CD82: variants seen among roughly 807,000 people sequenced by gnomAD.
The protein encoded by CD82 is CD82 antigen.
CD82 carries 36 observed loss-of-function variants against 37.4 expected under a neutral mutation model. The ratio of observed to expected loss-of-function variants is 0.96; its 90% CI spans 0.74 to 1.27. The LOEUF is 1.27. CD82 is among the 50% of genes most tolerant of loss of function. The pLI is 0.00. For missense variants in CD82, 340 were observed against 347.0 expected (o/e 0.98, Z 0.16); for synonymous variants, 158 against 137.4 (o/e 1.15, Z -1.05).
intron 6 of CD82, among the ~76,000 whole-genome samples, chr11:44,611,868 C>G (rs1182202526): frequency 6.6e-6 from 1 of 150,544 alleles, no homozygotes; most frequent in Non-Finnish European, 1.5e-5. Context: ...TAGGTGGAAA[C>G]CACCCAGCTT....
chr11:44,585,377 A>G (rs1241069393), intron 1 of CD82: 4 of 452,924 alleles, frequency 8.8e-6, no homozygotes, highest in Non-Finnish European at 1.8e-5. Flanking sequence ...CCCATTATTA[A>G]GTTCATTTTA....
At chr11:44,616,096 C>T (rs182214742) in intron 7 of CD82, among the ~76,000 whole-genome samples, 4 of 152,202 alleles carry the variant, frequency 2.6e-5, no homozygotes, top group Admixed American at 6.5e-5. Context: ...CCTGTGAGGG[C>T]GCAGGACACA....
intron 6 of CD82, 115 bp from the exon 7 acceptor site, chr11:44,615,157 G>A (rs1433000265): frequency 2.9e-6 from 2 of 691,308 alleles, no homozygotes; most frequent in East Asian, 2.7e-5. Flanking sequence ...CTGGAGCCAT[G>A]AGCGTGTCCC....
intron 6 of CD82, chr11:44,606,800 CAG>C (rs753936796): frequency 1.3e-5 from 2 of 152,358 alleles, no homozygotes; most frequent in Non-Finnish European, 2.9e-5. Context: ...ACATAGATAA[CAG>C]TGACTCTAAC....
intron 2 of CD82, among the ~76,000 whole-genome samples, chr11:44,594,012 C>T (rs1853184027): frequency 6.6e-6 from 1 of 152,070 alleles, no homozygotes; most frequent in South Asian, 2.1e-4. Context: ...CACACACACA[C>T]ACACGAATAA....
chr11:44,618,407 G>A (rs754180967), intron 8 of CD82, 42 bp downstream of exon 8: 110 of 1,551,530 alleles, frequency 7.1e-5, no homozygotes, highest in Non-Finnish European at 8.1e-5. Context: ...CTCCGAGGGC[G>A]TTGGGGGCCA....
Position 44,612,535 on chromosome 11 carries a change from CTTTTT to C in CD82, c.337-2724_337-2720del, listed in dbSNP as rs200389044. The stretch of plus-strand genomic sequence containing the variant: ...TAAATTGCAGAACTCTGTATAAGGG[CTTTTT>C]TTTTTTTTTTTTAAATATCATGCTG... On this transcript the variant is annotated intron_variant, in intron 6 of 9. Coordinates refer to ENST00000227155, the MANE Select transcript of CD82 (RefSeq NM_002231.4). Among the ~76,000 whole-genome samples, 196 of 120,732 alleles carry C rather than the reference CTTTTT, an allele frequency of 1.6e-3. 1 individual carries two copies. The highest frequency in any genetic ancestry group is 5.8e-3 in the African/African-American group (188 of 32,456). 79.2% of individuals were successfully genotyped at this position (120,732 alleles called of 152,430 possible).
chr11:44,609,550 A>G (rs1456140473), intron 6 of CD82, among the ~76,000 whole-genome samples: 1 of 152,184 alleles, frequency 6.6e-6, no homozygotes, highest in Non-Finnish European at 1.5e-5. Context: ...GATGTTGGTC[A>G]GGGGAACTGT....
intron 3 of CD82, chr11:44,596,760 C>A: frequency 2.6e-6 from 1 of 381,846 alleles, no homozygotes; most frequent in Non-Finnish European, 5.3e-6. Context: ...CTTGTTTACT[C>A]CTCAGCAAAT....
At chr11:44,615,113 T>A (rs1012749714) in intron 6 of CD82, among the ~76,000 whole-genome samples, 159 bp from the exon 7 acceptor site, 5 of 152,254 alleles carry the variant, frequency 3.3e-5, no homozygotes, top group Admixed American at 2.0e-4. Flanking sequence ...TGGCACTGCC[T>A]GCATCGGGCA....
chr11:44,570,443 C>T (rs768481333), intron 1 of CD82, among the ~76,000 whole-genome samples: 2 of 152,248 alleles, frequency 1.3e-5, no homozygotes, highest in Admixed American at 1.3e-4. Context: ...TCTCTGATTC[C>T]TGGCATACAG....
intron 2 of CD82, among the ~76,000 whole-genome samples, chr11:44,593,496 G>A (rs1853175229): frequency 1.3e-5 from 2 of 152,218 alleles, no homozygotes; most frequent in Admixed American, 1.3e-4. Flanking sequence ...CTGAGTCAGG[G>A]TGAGAACAGT....
chr11:44,598,805 C>T (rs970105083), intron 3 of CD82, among the ~76,000 whole-genome samples: 5 of 152,164 alleles, frequency 3.3e-5, no homozygotes, highest in African/African-American at 4.8e-5. Flanking sequence ...GGCTCTATGG[C>T]AGCTGCTGGC....
intron 1 of CD82, among the ~76,000 whole-genome samples, chr11:44,584,239 C>T (rs1340188965): frequency 6.6e-6 from 1 of 152,178 alleles, no homozygotes; most frequent in Non-Finnish European, 1.5e-5. Flanking sequence ...CTTGCTCAAG[C>T]TCACACAGCT....
chr11:44,575,793 A>T (rs868558035), intron 1 of CD82, among the ~76,000 whole-genome samples: 41 of 151,934 alleles, frequency 2.7e-4, no homozygotes, highest in Middle Eastern at 3.2e-3. Flanking sequence ...CTTTGTATAT[A>T]TTGGGAACTT....
At position 44,618,182 on chromosome 11, in the gene CD82, C is replaced by A; in HGVS notation, c.459C>A (p.Val153=). The change falls in exon 8 of 10, where the codon GTC becomes GTA. Residue 153 remains valine (V), a synonymous_variant. Coordinates refer to ENST00000227155, the MANE Select transcript of CD82 (RefSeq NM_002231.4). ...CCCAGGTGAAGTGCTGCGGCTGGGTCAGCTTCTACAACTGGACAGACAACG... is the reference window on the plus strand; with the variant it reads ...CCCAGGTGAAGTGCTGCGGCTGGGTAAGCTTCTACAACTGGACAGACAACG... ...VQAQVKCCGW[V]SFYNWTDNAE... 1 of 1,613,992 alleles carries A rather than the reference C, an allele frequency of 6.2e-7. No homozygotes were observed. The highest frequency in any genetic ancestry group is 1.1e-5 in the South Asian group (1 of 91,072).
intron 2 of CD82, among the ~76,000 whole-genome samples, chr11:44,591,437 G>A (rs1054702188): frequency 1.3e-5 from 2 of 152,224 alleles, no homozygotes; most frequent in African/African-American, 4.8e-5. Flanking sequence ...GCCCAGCCAC[G>A]TCTGCCTTGG....
At chr11:44,577,643 C>T (rs1402628890) in intron 1 of CD82, among the ~76,000 whole-genome samples, 1 of 152,188 alleles carries the variant, frequency 6.6e-6, no homozygotes, top group Non-Finnish European at 1.5e-5. Flanking sequence ...TCTCTGAACC[C>T]TGGTTTCCTT....
chr11:44,615,318 A>G lies in CD82; in HGVS notation c.383A>G (p.Tyr128Cys), dbSNP rs750138207. Residue 128 changes from tyrosine to cysteine, a missense_variant, in exon 7 of 10, where the codon TAC becomes TGC. By Grantham distance (194) the Tyr-to-Cys change is radical. Coordinates refer to ENST00000227155, the MANE Select transcript of CD82 (RefSeq NM_002231.4). ...ATCGTGACTGAGCTCATTCGAGACT[A>G]CAACAGCAGTCGCGAGGACAGCCTG... Reference protein sequence around the residue: ...GGIVTELIRDYNSSREDSLQD... With the variant: ...GGIVTELIRDCNSSREDSLQD... The G allele has an allele frequency of 3.1e-6, 5 of 1,613,646 alleles. No homozygotes were observed. Among genetic ancestry groups the G allele is most frequent in the East Asian group, 2.2e-5 (1 of 44,886 alleles).
Sources: allele counts gnomAD v4.1 joint callset (sites outside exome capture counted in the v4.1 genomes callset), GRCh38; gene constraint gnomAD v4.1.1; transcripts MANE v1.5; gene names NCBI Gene and HGNC (gene_info 2026-07-23, HGNC 2026-07-21).